ADGRL3: variants seen among roughly 807,000 people sequenced by gnomAD.
ADGRL3 encodes the protein calcium-independent alpha-latrotoxin receptor 3.
Under a neutral mutation model 153.5 loss-of-function variants are expected in ADGRL3, and 62 were observed. The ratio of observed to expected loss-of-function variants is 0.40; its 90% confidence interval spans 0.33 to 0.50. The LOEUF (loss-of-function observed/expected upper bound fraction) is 0.50, where lower values mean the gene tolerates loss of function less well. Ranked by LOEUF, ADGRL3 falls within the 20% of genes least tolerant of loss-of-function variation. The pLI, the probability that ADGRL3 is intolerant of heterozygous loss-of-function variation, is 0.47. For synonymous variants in ADGRL3, 710 were observed against 672.5 expected (o/e 1.06, Z -0.86); for missense variants, 1,641 against 1,859.4 (o/e 0.88, Z 2.16).
intron 4 of ADGRL3, among the ~76,000 whole-genome samples, chr4:61,570,615 C>A (rs1456497345): frequency 6.6e-6 from 1 of 152,140 alleles, no homozygotes; most frequent in African/African-American, 2.4e-5. Context: ...ATTACACTTA[C>A]CACTAATGGA....
At chr4:61,362,192 G>C (rs924634838) in intron 1 of ADGRL3, among the ~76,000 whole-genome samples, 1 of 150,842 alleles carries the variant, frequency 6.6e-6, no homozygotes, top group Non-Finnish European at 1.5e-5. Flanking sequence ...TAGTAGAGAC[G>C]GTGTTTCACT....
Position 61,201,359 on chromosome 4 carries a change from C to G in ADGRL3, c.-646C>G, listed in dbSNP as rs1257262222. On this transcript the variant is annotated 5_prime_UTR_variant, in exon 1 of 27. Coordinates refer to ENST00000683033, the MANE Select transcript of ADGRL3 (RefSeq NM_001387552.1). ...CTGCCGCTGGGTCCCTCGGCTGCTG[C>G]TGGAGACAGAGCCTGACTCCGAAGT... The G allele has an allele frequency of 6.5e-6, 1 of 152,756 alleles. No homozygotes were observed. Among genetic ancestry groups the G allele is most frequent in the Non-Finnish European group, 1.5e-5 (1 of 68,202 alleles). 9.5% of individuals were successfully genotyped at this position (152,756 alleles called of 1,614,324 possible). A position where few individuals can be genotyped will look rare whatever the true frequency, so the allele number is the denominator to read the frequency against.
intron 4 of ADGRL3, among the ~76,000 whole-genome samples, chr4:61,522,147 C>T (rs2098535212): frequency 6.6e-6 from 1 of 152,050 alleles, no homozygotes; most frequent in Non-Finnish European, 1.5e-5. Context: ...CTTTCCAGGC[C>T]TAGATATATT....
intron 2 of ADGRL3, among the ~76,000 whole-genome samples, chr4:61,454,033 C>T (rs1342584251): frequency 1.3e-5 from 2 of 152,006 alleles, no homozygotes; most frequent in Admixed American, 1.3e-4. Flanking sequence ...TTTGGGTAAT[C>T]CATTTAGCCA....
rs1444989814 is a variant in ADGRL3 at position 61,947,997 on chromosome 4, T to C, written c.2629-103T>C. 9 of 904,826 alleles carry C rather than the reference T, an allele frequency of 9.9e-6. No individual in the cohort carries two copies. The South Asian group carries it at 1.1e-4, about 12-fold the overall frequency. The allele number at this position is 904,826 out of a possible 1,614,324, so 56.0% of individuals were successfully genotyped here. A position where few individuals can be genotyped will look rare whatever the true frequency, so the allele number is the denominator to read the frequency against. On this transcript the variant is annotated intron_variant, in intron 16 of 26. Coordinates refer to ENST00000683033, the MANE Select transcript of ADGRL3 (RefSeq NM_001387552.1). ...ACCATTGGTAGACATCTCTAAAAAA[T>C]TGGAACAGAATATGAAGTTGTATTA... is the stretch of plus-strand genomic sequence containing the variant.
At chr4:61,905,599 T>A (rs1385762909) in intron 11 of ADGRL3, among the ~76,000 whole-genome samples, 1 of 152,004 alleles carries the variant, frequency 6.6e-6, no homozygotes, top group Non-Finnish European at 1.5e-5. Context: ...ATTTTAAGAA[T>A]TTCTCGAAAG....
intron 5 of ADGRL3, among the ~76,000 whole-genome samples, chr4:61,623,276 C>G (rs946932615): frequency 1.3e-5 from 2 of 152,022 alleles, no homozygotes; most frequent in Non-Finnish European, 2.9e-5. Context: ...ACACACTGTC[C>G]TGATAAAACC....
chr4:61,344,260 AT>A lies in ADGRL3; in HGVS notation c.-239-38855del, dbSNP rs544837184. On this transcript the variant is annotated intron_variant, in intron 1 of 26. Coordinates refer to ENST00000683033, the MANE Select transcript of ADGRL3 (RefSeq NM_001387552.1). ...AGTCACTTGAATGAAAAGTAGATACATTTTTTTTTGCCACTGCATATATATA... is the reference window on the plus strand; with the variant it reads ...AGTCACTTGAATGAAAAGTAGATACATTTTTTTTGCCACTGCATATATATA... Among the ~76,000 whole-genome samples, 1,097 of 151,194 alleles carry A rather than the reference AT, an allele frequency of 7.3e-3. 14 individuals carry two copies. Among genetic ancestry groups the A allele is most frequent in the African/African-American group, 0.025 (1,011 of 41,252 alleles).
At chr4:61,644,638 G>A (rs1035041507) in intron 5 of ADGRL3, among the ~76,000 whole-genome samples, 1 of 152,176 alleles carries the variant, frequency 6.6e-6, no homozygotes, top group Admixed American at 6.5e-5. Flanking sequence ...TGATTGCACT[G>A]TGGTCTCAGA....
chr4:61,300,670 T>C (rs2150339168), intron 1 of ADGRL3, among the ~76,000 whole-genome samples: 1 of 152,324 alleles, frequency 6.6e-6, no homozygotes, highest in South Asian at 2.1e-4. Context: ...CATGCTGGTC[T>C]TCACTATATG....
intron 1 of ADGRL3, among the ~76,000 whole-genome samples, chr4:61,342,333 A>G (rs1472051840): frequency 6.6e-6 from 1 of 152,200 alleles, no homozygotes; most frequent in Non-Finnish European, 1.5e-5. Flanking sequence ...TTTATAGTCT[A>G]TAAACATTGT....
chr4:61,245,390 T>C (rs1158270816), intron 1 of ADGRL3, among the ~76,000 whole-genome samples: 1 of 152,088 alleles, frequency 6.6e-6, no homozygotes, highest in East Asian at 1.9e-4. Context: ...AGCCTAGTCA[T>C]CCTTCAAGAC....
chr4:61,818,891 A>G (rs2097718872), intron 9 of ADGRL3, among the ~76,000 whole-genome samples: 1 of 152,196 alleles, frequency 6.6e-6, no homozygotes, highest in Admixed American at 6.5e-5. Flanking sequence ...TAAAAATAAA[A>G]TTAATTAGAC....
At position 62,076,294 on chromosome 4, in the gene ADGRL3, A is replaced by C. The variant is rs1440985042; in HGVS notation, c.*5386A>C. ...ATAGTATGTCAAAAGCATTGTTCTC[A>C]TTTGATAATTTGTGTCCCGTTACAG... is the stretch of plus-strand genomic sequence containing the variant. On this transcript the variant is annotated 3_prime_UTR_variant, in exon 27 of 27. Transcript: ENST00000683033. 6.6e-6 allele frequency: 1 copy of C among 152,038 alleles called. No individual in the cohort carries two copies. The highest frequency in any genetic ancestry group is 1.5e-5 in the Non-Finnish European group (1 of 67,944). 9.4% of individuals were successfully genotyped at this position (152,038 alleles called of 1,614,324 possible).
intron 2 of ADGRL3, among the ~76,000 whole-genome samples, chr4:61,388,337 T>C (rs1245793909): frequency 6.6e-6 from 1 of 152,202 alleles, no homozygotes; most frequent in African/African-American, 2.4e-5. Flanking sequence ...CTACAGTTTT[T>C]TGAGCCTCAA....
chr4:61,458,988 T>C (rs1307739068), intron 2 of ADGRL3, among the ~76,000 whole-genome samples: 1 of 151,468 alleles, frequency 6.6e-6, no homozygotes. Context: ...TTGTGACAAA[T>C]GGAGAGTAAT....
chr4:61,274,480 G>A lies in ADGRL3; in HGVS notation c.-240+72715G>A, dbSNP rs901312714. On this transcript the variant is annotated intron_variant, in intron 1 of 26. Transcript: ENST00000683033. ...ATGAGAGCAGGATTATTTATGCTGT[G>A]TTCAGCAATTTATACTCTCAGTATC... Among the ~76,000 whole-genome samples the A allele has an allele frequency of 2.0e-5, 3 of 152,248 alleles. No individual in the cohort carries two copies. The South Asian group carries it at 6.2e-4, about 32-fold the overall frequency.
At chr4:61,275,207 A>G (rs1175516086) in intron 1 of ADGRL3, among the ~76,000 whole-genome samples, 2 of 152,150 alleles carry the variant, frequency 1.3e-5, no homozygotes, top group Non-Finnish European at 2.9e-5. Context: ...CAGTTGTGCC[A>G]TTTAAACCTG....
intron 9 of ADGRL3, among the ~76,000 whole-genome samples, chr4:61,867,399 C>T (rs1181578478): frequency 2.0e-5 from 3 of 150,912 alleles, no homozygotes; most frequent in East Asian, 3.9e-4. Context: ...ACTTAGGAAT[C>T]TGAGGCGGGA....
Sources: allele counts gnomAD v4.1 joint callset (sites outside exome capture counted in the v4.1 genomes callset), GRCh38; gene constraint gnomAD v4.1.1; transcripts MANE v1.5; gene names NCBI Gene and HGNC (gene_info 2026-07-23, HGNC 2026-07-21).